The following NTM variants were observed in gnomAD, a reference collection of about 807,000 sequenced individuals.
NTM encodes the protein IgLON family member 2.
In NTM, 13 loss-of-function variants were observed where a neutral mutation model predicts 42.1. The ratio of observed to expected loss-of-function variants is 0.31; its 90% CI spans 0.20 to 0.49. The LOEUF (loss-of-function observed/expected upper bound fraction) is 0.49, where lower values mean the gene tolerates loss of function less well. Among genes scored for constraint, NTM ranks in the 20% least tolerant of loss-of-function variants. The pLI is 0.99. For missense variants in NTM, 373 were observed against 452.8 expected, an observed-to-expected ratio of 0.82 and a Z score of 1.60; for synonymous variants, 187 against 179.2, an observed-to-expected ratio of 1.04 and a Z score of -0.35.
intron 1 of NTM, among the ~76,000 whole-genome samples, chr11:131,755,084 G>T (rs759988240): frequency 6.6e-6 from 1 of 152,186 alleles, no homozygotes; most frequent in Non-Finnish European, 1.5e-5. Context: ...AACTTTCTGG[G>T]ACAGTGAGAG....
intron 2 of NTM, among the ~76,000 whole-genome samples, chr11:131,954,278 G>A (rs1275395872): frequency 2.6e-5 from 4 of 152,196 alleles, no homozygotes; most frequent in Admixed American, 1.3e-4. Context: ...TGCAGAAGTC[G>A]GGGAGAGGCA....
chr11:131,436,594 A>G (rs1221026803), intron 1 of NTM, among the ~76,000 whole-genome samples: 1 of 152,102 alleles, frequency 6.6e-6, no homozygotes, highest in Non-Finnish European at 1.5e-5. Flanking sequence ...GTATTCTCTG[A>G]TGGTAGTTTG....
intron 1 of NTM, chr11:131,536,100 C>T (rs921353207): frequency 1.3e-5 from 2 of 152,178 alleles, no homozygotes; most frequent in African/African-American, 4.8e-5. Flanking sequence ...TTCCCTAAGG[C>T]AGTTCCAATA....
chr11:132,004,605 T>TCTCTC (rs1331959288), intron 2 of NTM, among the ~76,000 whole-genome samples: 9 of 144,048 alleles, frequency 6.2e-5, no homozygotes, highest in South Asian at 2.3e-4. Flanking sequence ...CTTTCTCTCT[T>TCTCTC]TCTCTCTCTC....
At chr11:131,822,236 TC>T (rs1270404362) in intron 1 of NTM, among the ~76,000 whole-genome samples, 2 of 152,146 alleles carry the variant, frequency 1.3e-5, no homozygotes, top group Non-Finnish European at 2.9e-5. Context: ...CCTCCCTTCT[TC>T]CTTTTCACTG....
chr11:132,306,548 G>T (rs1016274994), intron 4 of NTM: 9 of 152,170 alleles, frequency 5.9e-5, no homozygotes, highest in Non-Finnish European at 1.2e-4. Context: ...AGGCATGTTT[G>T]TGTGTTAGTC....
chr11:131,457,721 TC>T (rs112078919), intron 1 of NTM, among the ~76,000 whole-genome samples: 22 of 151,350 alleles, frequency 1.5e-4, no homozygotes, highest in African/African-American at 3.2e-4. Flanking sequence ...GTTTTTGTCC[TC>T]CCCCCCCAAA....
intron 3 of NTM, among the ~76,000 whole-genome samples, chr11:132,158,390 A>G (rs889198104): frequency 6.6e-6 from 1 of 152,238 alleles, no homozygotes; most frequent in Admixed American, 6.5e-5. Flanking sequence ...CCTGCATAAA[A>G]TAGAGCTTCC....
intron 2 of NTM, among the ~76,000 whole-genome samples, chr11:132,133,438 C>T (rs2067192310): frequency 6.6e-6 from 1 of 152,168 alleles, no homozygotes; most frequent in East Asian, 1.9e-4. Flanking sequence ...GAACATTTGG[C>T]AAATAAATGG....
At chr11:132,161,587 C>G (rs1050434039) in intron 3 of NTM, among the ~76,000 whole-genome samples, 1 of 151,822 alleles carries the variant, frequency 6.6e-6, no homozygotes, top group Non-Finnish European at 1.5e-5. Flanking sequence ...CGGGCTCATG[C>G]GTCCTCCAAT....
intron 1 of NTM, among the ~76,000 whole-genome samples, chr11:131,578,498 T>C (rs2058123567): frequency 6.6e-6 from 1 of 152,128 alleles, no homozygotes. Flanking sequence ...AGTGGGTAAG[T>C]ATTCCAGTGA....
At chr11:131,789,309 C>A (rs1468143904) in intron 1 of NTM, among the ~76,000 whole-genome samples, 2 of 148,744 alleles carry the variant, frequency 1.3e-5, no homozygotes, top group Non-Finnish European at 3.0e-5. Flanking sequence ...GACACATGCC[C>A]AGTGAAATAG....
At chr11:131,379,112 G>C (rs572368927) in intron 1 of NTM, among the ~76,000 whole-genome samples, 2 of 152,366 alleles carry the variant, frequency 1.3e-5, no homozygotes, top group South Asian at 4.1e-4. Context: ...GCTCCCCAGA[G>C]TGTTCATACT....
intron 1 of NTM, among the ~76,000 whole-genome samples, chr11:131,573,369 A>C (rs2057634800): frequency 6.6e-6 from 1 of 152,216 alleles, no homozygotes; most frequent in African/African-American, 2.4e-5. Context: ...GTCTTGCATA[A>C]AGTGCCTCAC....
intron 2 of NTM, among the ~76,000 whole-genome samples, chr11:132,135,445 G>A (rs780387630): frequency 3.9e-5 from 6 of 152,242 alleles, no homozygotes; most frequent in East Asian, 1.9e-4. Flanking sequence ...TCTGGGATAC[G>A]GATTTGTGTG....
At position 131,610,692 on chromosome 11, in the gene NTM, G is replaced by A. The variant is rs372191329; in HGVS notation, c.82+239804G>A. 6.6e-5 allele frequency among the ~76,000 whole-genome samples: 10 copies of A among 152,260 alleles called. No homozygotes were observed. The East Asian group carries it at 9.7e-4, about 15-fold the overall frequency. On this transcript the variant is annotated intron_variant, in intron 1 of 8. Transcript: ENST00000683400. Reference sequence around the variant, plus strand: ...GGAGGCTGTGGAGCACCCGCAGATCGATAGCATCTGGGCAGGCAGGGGGTA... The same window carrying A: ...GGAGGCTGTGGAGCACCCGCAGATCAATAGCATCTGGGCAGGCAGGGGGTA...
Position 131,441,379 on chromosome 11 carries a change from A to T in NTM, c.82+70491A>T, listed in dbSNP as rs576710291. On this transcript the variant is annotated intron_variant, in intron 1 of 8. Transcript: ENST00000683400. ...TTGAGAATTTCTTGACTGTTTGGAA[A>T]TTTTTTCTAGCACAACAAGCTGTTT... Among the ~76,000 whole-genome samples, 20 of 152,264 alleles carry T rather than the reference A, an allele frequency of 1.3e-4. No individual in the cohort carries two copies. In the South Asian group the frequency reaches 4.1e-3, roughly 32 times the overall value.
intron 7 of NTM, among the ~76,000 whole-genome samples, chr11:132,324,563 G>A (rs1364351095): frequency 2.0e-5 from 3 of 150,992 alleles, no homozygotes; most frequent in East Asian, 1.9e-4. Context: ...CTCGTGGGTA[G>A]GAAGAATCAA....
chr11:131,509,968 A>G (rs2048018337), intron 1 of NTM, among the ~76,000 whole-genome samples: 1 of 152,186 alleles, frequency 6.6e-6, no homozygotes. Context: ...AAGGATTAGA[A>G]AAGGCTTTCT....
Sources: allele counts gnomAD v4.1 joint callset (sites outside exome capture counted in the v4.1 genomes callset), GRCh38; gene constraint gnomAD v4.1.1; transcripts MANE v1.5; gene names NCBI Gene and HGNC (gene_info 2026-07-23, HGNC 2026-07-21).